GFPT2: variants seen among roughly 807,000 people sequenced by gnomAD.
GFPT2 encodes glutamine--fructose-6-phosphate aminotransferase [isomerizing] 2.
In GFPT2, 62 loss-of-function variants were observed where a neutral mutation model predicts 85.6. That is an observed-to-expected ratio of 0.72 (90% CI 0.59 to 0.90). GFPT2 has a LOEUF of 0.90. Among genes scored for constraint, GFPT2 ranks in the 40% least tolerant of loss-of-function variants. The pLI, the probability that GFPT2 is intolerant of heterozygous loss-of-function variation, is 0.00. For synonymous variants in GFPT2, 368 were observed against 344.5 expected (o/e 1.07, Z -0.75); for missense variants, 788 against 893.4 (o/e 0.88, Z 1.50).
rs776022808 is a variant in GFPT2 at position 180,317,058 on chromosome 5, C to T, written c.959G>A (p.Gly320Asp). 7 of 1,575,560 alleles carry T rather than the reference C, an allele frequency of 4.4e-6. No homozygotes were observed. The South Asian group carries it at 6.6e-5, about 15-fold the overall frequency. The change falls in exon 11 of 19, where the codon GGT becomes GAT. Residue 320 changes from glycine to aspartate, a missense_variant and splice_region_variant. Gly to Asp is a moderately conservative substitution (Grantham distance 94). Transcript: ENST00000253778. ...CTTCTGCATAAACGCACTGAAGTTA[C>T]CTGGTCAAATAAACGTCTGGTCAGT... ...LQMELQQIMK[G>D]NFSAFMQKEI...
chr5:180,309,479 G>A (rs1026625584), intron 15 of GFPT2, among the ~76,000 whole-genome samples: 11 of 152,108 alleles, frequency 7.2e-5, no homozygotes, highest in Admixed American at 2.6e-4. Flanking sequence ...GGAGTGCAAC[G>A]GCGTGATCTC....
At chr5:180,306,016 G>A (rs372728202) in intron 16 of GFPT2, among the ~76,000 whole-genome samples, 532 of 136,016 alleles carry the variant, frequency 3.9e-3, no homozygotes, top group African/African-American at 0.014. Flanking sequence ...TGGGAGTCTC[G>A]TTCTGTCTCC....
intron 17 of GFPT2, among the ~76,000 whole-genome samples, chr5:180,303,293 T>C (rs944396805): frequency 1.4e-4 from 21 of 151,472 alleles, no homozygotes; most frequent in African/African-American, 4.4e-4. Flanking sequence ...GATAATGTCA[T>C]TGGGAGACTG....
At chr5:180,346,273 A>G (rs1220582328) in intron 1 of GFPT2, among the ~76,000 whole-genome samples, 3 of 151,698 alleles carry the variant, frequency 2.0e-5, no homozygotes, top group Non-Finnish European at 2.9e-5. Context: ...CACCACTTCT[A>G]CCCCCACCTC....
intron 1 of GFPT2, among the ~76,000 whole-genome samples, chr5:180,343,590 T>C (rs1275735641): frequency 1.3e-5 from 2 of 152,262 alleles, no homozygotes; most frequent in Non-Finnish European, 2.9e-5. Context: ...GTTTCTTTGC[T>C]TTTGCAGCTC....
chr5:180,337,723 T>G (rs1444979029), intron 2 of GFPT2, among the ~76,000 whole-genome samples: 1 of 152,068 alleles, frequency 6.6e-6, no homozygotes, highest in Non-Finnish European at 1.5e-5. Flanking sequence ...TACAACTCGA[T>G]GAGCTTGGAG....
At chr5:180,308,078 G>A (rs7715919) in intron 15 of GFPT2, among the ~76,000 whole-genome samples, 104,799 of 151,766 alleles carry the variant, frequency 0.69, 36,384 homozygotes, top group East Asian at 0.88. Flanking sequence ...AACATGGTGA[G>A]ACCTGGTATC....
chr5:180,337,325 C>A (rs184392789), intron 2 of GFPT2, among the ~76,000 whole-genome samples: 2 of 151,846 alleles, frequency 1.3e-5, no homozygotes, highest in Non-Finnish European at 2.9e-5. Flanking sequence ...TGGTGGTGGG[C>A]GCCTGTAGTC....
At chr5:180,312,084 A>AGTG (rs1332156498) in intron 15 of GFPT2, among the ~76,000 whole-genome samples, 48 of 48,344 alleles carry the variant, frequency 9.9e-4, no homozygotes, top group South Asian at 2.0e-3. Flanking sequence ...GCTGAGGACC[A>AGTG]GGGAGGCAGG....
In GFPT2 at chr5:180,328,811, T is replaced by C. The variant is rs1764257171; in HGVS notation, c.535-473A>G. On this transcript the variant is annotated intron_variant, in intron 6 of 18. Coordinates refer to ENST00000253778, the MANE Select transcript of GFPT2 (RefSeq NM_005110.4). This position sits in a 1 kb window ranked among gnomAD's most constrained non-coding sequence, Gnocchi z 5.4. ...TAGCCTTCTTGGCGCCTCGTTCTCC[T>C]CATCGGTGAAGGAAGTGAGAACAGC... Among the ~76,000 whole-genome samples, 1 of 152,204 alleles carries C rather than the reference T, an allele frequency of 6.6e-6. No individual in the cohort carries two copies. The highest frequency in any genetic ancestry group is 1.5e-5 in the Non-Finnish European group (1 of 68,026).
chr5:180,304,647 G>C, intron 17 of GFPT2, 125 bp downstream of exon 17: 1 of 866,310 alleles, frequency 1.2e-6, no homozygotes, highest in Non-Finnish European at 1.9e-6. Flanking sequence ...GCCCGGGGGA[G>C]GGTGTGTGGT....
In GFPT2 at chr5:180,338,548, G is replaced by A. The variant is rs956732670; in HGVS notation, c.60C>T (p.Phe20=). 1.8e-5 allele frequency: 29 copies of A among 1,612,842 alleles called. No individual in the cohort carries two copies. Among genetic ancestry groups the A allele is most frequent in the African/African-American group, 6.7e-5 (5 of 74,908 alleles). ...YRVPRTRKEI[F]ETLIKGLQRL... Reference sequence around the variant, plus strand: ...GCTGCAGGCCCTTGATGAGGGTTTCGAAGATCTCCTTCCTCGTCCGGGGGA... The same window carrying A: ...GCTGCAGGCCCTTGATGAGGGTTTCAAAGATCTCCTTCCTCGTCCGGGGGA... Residue 20 remains phenylalanine (F), a synonymous_variant, in exon 2 of 19, where the codon TTC becomes TTT. Coordinates refer to ENST00000253778, the MANE Select transcript of GFPT2 (RefSeq NM_005110.4).
chr5:180,316,810 C>T lies in GFPT2; in HGVS notation c.1106G>A (p.Arg369Gln), dbSNP rs202097862. 3.6e-4 allele frequency: 575 copies of T among 1,614,046 alleles called. No homozygotes were observed. The highest frequency in any genetic ancestry group is 4.5e-4 in the Non-Finnish European group (528 of 1,179,920). The change falls in exon 12 of 19, where the codon CGG becomes CAG. Residue 369 changes from arginine (R) to glutamine (Q), a missense_variant. Transcript: ENST00000253778. The stretch of plus-strand genomic sequence containing the variant: ...GGTTCCACAGCCAATCACGATGAGC[C>T]GTCGGCATCGTCGAATCTCCTTCAA... ...DHLKEIRRCR[R>Q]LIVIGCGTSY...
intron 2 of GFPT2, among the ~76,000 whole-genome samples, chr5:180,338,192 C>T (rs927034386): frequency 5.9e-5 from 9 of 152,222 alleles, no homozygotes; most frequent in Admixed American, 2.0e-4. Context: ...AGGCACCGCA[C>T]GGCAGAGCAG....
intron 13 of GFPT2, among the ~76,000 whole-genome samples, chr5:180,314,490 T>C (rs1763963687): frequency 6.6e-6 from 1 of 152,244 alleles, no homozygotes; most frequent in Non-Finnish European, 1.5e-5. Flanking sequence ...AACAGCTTCA[T>C]GCATAAACCA....
chr5:180,324,455 C>T (rs1764175533), intron 8 of GFPT2, 150 bp from the exon 9 acceptor site: 2 of 604,452 alleles, frequency 3.3e-6, no homozygotes, highest in Admixed American at 6.3e-5. Flanking sequence ...TAAAAGATCC[C>T]CCAATAGCAC....
rs1764163628 is a variant in GFPT2 at position 180,323,776 on chromosome 5, T to G, written c.794+412A>C. Among the ~76,000 whole-genome samples the G allele has an allele frequency of 6.6e-6, 1 of 152,224 alleles. No individual in the cohort carries two copies. The highest frequency in any genetic ancestry group is 1.5e-5 in the Non-Finnish European group (1 of 68,040). ...GAGGTCTAGACACAGTTGTCTCATC[T>G]AAAGGGGGCAGCCTTTGAGCAGATC... On this transcript the variant is annotated intron_variant, in intron 9 of 18. Transcript: ENST00000253778. The surrounding 1 kb of genome is among the most constrained non-coding windows in gnomAD (Gnocchi z 4.0).
At chr5:180,315,674 T>G (rs957814902) in intron 13 of GFPT2, among the ~76,000 whole-genome samples, 2 of 152,314 alleles carry the variant, frequency 1.3e-5, no homozygotes, top group Middle Eastern at 6.8e-3. Context: ...TATAAAGGCT[T>G]GGAATTATCC....
intron 17 of GFPT2, among the ~76,000 whole-genome samples, 176 bp downstream of exon 17, chr5:180,304,596 C>A (rs1271327287): frequency 6.6e-6 from 1 of 152,244 alleles, no homozygotes; most frequent in Non-Finnish European, 1.5e-5. Flanking sequence ...CAGCTGCGGG[C>A]TGACCAGCTC....
Sources: allele counts gnomAD v4.1 joint callset (sites outside exome capture counted in the v4.1 genomes callset), GRCh38; gene constraint gnomAD v4.1.1; non-coding constraint Gnocchi (gnomAD v3.1); transcripts MANE v1.5; gene names NCBI Gene and HGNC (gene_info 2026-07-23, HGNC 2026-07-21).